The following HHAT variants were observed in gnomAD, a reference collection of about 807,000 sequenced individuals.
HHAT encodes protein-cysteine N-palmitoyltransferase HHAT.
In HHAT, 47 loss-of-function variants were observed where a neutral mutation model predicts 70.8. The observed-to-expected ratio is 0.66, with a 90% CI of 0.53 to 0.85. The LOEUF (loss-of-function observed/expected upper bound fraction) is 0.85. HHAT is among the 40% of genes least tolerant of loss of function. The probability of loss-of-function intolerance (pLI) is 0.00; values close to 1 mark genes in which losing one functional copy is unlikely to be tolerated. For missense variants in HHAT, 609 were observed against 604.8 expected (o/e 1.01, Z -0.07); for synonymous variants, 228 against 247.6 (o/e 0.92, Z 0.74).
intron 3 of HHAT, among the ~76,000 whole-genome samples, chr1:210,370,347 G>A (rs2089453458): frequency 6.6e-6 from 1 of 151,006 alleles, no homozygotes; most frequent in African/African-American, 2.4e-5. Flanking sequence ...GCTAATTTTT[G>A]TATTTTTAGT....
intron 3 of HHAT, among the ~76,000 whole-genome samples, chr1:210,382,824 GT>G (rs1327255473): frequency 6.6e-6 from 1 of 152,160 alleles, no homozygotes; most frequent in Non-Finnish European, 1.5e-5. Flanking sequence ...AAATAGTGTT[GT>G]GGGGCAAAGG....
intron 9 of HHAT, among the ~76,000 whole-genome samples, chr1:210,565,761 C>G (rs1654578273): frequency 6.6e-6 from 1 of 152,132 alleles, no homozygotes; most frequent in Admixed American, 6.5e-5. Context: ...AGAGGAGAGT[C>G]AGGACCAAGC....
intron 2 of HHAT, among the ~76,000 whole-genome samples, chr1:210,353,712 C>T (rs1360963633): frequency 6.6e-6 from 1 of 151,808 alleles, no homozygotes; most frequent in East Asian, 1.9e-4. Context: ...TTCCACTTCT[C>T]CCTCCCTTCT....
chr1:210,511,291 C>A (rs1208092426), intron 8 of HHAT, among the ~76,000 whole-genome samples: 1 of 152,048 alleles, frequency 6.6e-6, no homozygotes, highest in African/African-American at 2.4e-5. Flanking sequence ...TATCTCGAAT[C>A]CCGTTTTTCC....
At chr1:210,544,899 C>T (rs190439700) in intron 9 of HHAT, among the ~76,000 whole-genome samples, 1 of 152,116 alleles carries the variant, frequency 6.6e-6, no homozygotes, top group African/African-American at 2.4e-5. Flanking sequence ...TTCGTCCTCA[C>T]CCCTAAATTC....
intron 10 of HHAT, among the ~76,000 whole-genome samples, chr1:210,616,024 G>A (rs1667651609): frequency 6.6e-6 from 1 of 152,178 alleles, no homozygotes; most frequent in Non-Finnish European, 1.5e-5. Flanking sequence ...GCTGTAGACT[G>A]GAGCTGTTCC....
chr1:210,469,242 C>T (rs2094158842), intron 8 of HHAT, among the ~76,000 whole-genome samples: 1 of 152,094 alleles, frequency 6.6e-6, no homozygotes, highest in African/African-American at 2.4e-5. Flanking sequence ...TGGGCTGGAC[C>T]TTCAGAGGAG....
At chr1:210,565,649 T>C (rs1654548809) in intron 9 of HHAT, among the ~76,000 whole-genome samples, 1 of 152,136 alleles carries the variant, frequency 6.6e-6, no homozygotes, top group Non-Finnish European at 1.5e-5. Flanking sequence ...GCTGAGAATC[T>C]GTAGCAGGCA....
intron 8 of HHAT, among the ~76,000 whole-genome samples, chr1:210,476,044 T>C (rs1277614123): frequency 2.0e-5 from 3 of 152,226 alleles, no homozygotes; most frequent in African/African-American, 7.2e-5. Flanking sequence ...GAACCATAAG[T>C]GTGTTTGCTC....
intron 6 of HHAT, among the ~76,000 whole-genome samples, chr1:210,410,219 A>AT (rs938524276): frequency 3.3e-5 from 5 of 150,184 alleles, no homozygotes; most frequent in East Asian, 2.0e-4. Flanking sequence ...CGCCCAGCTA[A>AT]TTTTTTTGTA....
chr1:210,356,589 C>T (rs1374854030), intron 2 of HHAT, among the ~76,000 whole-genome samples: 1 of 152,196 alleles, frequency 6.6e-6, no homozygotes, highest in African/African-American at 2.4e-5. Context: ...AACACATTCA[C>T]CTTCTACCTT....
intron 8 of HHAT, among the ~76,000 whole-genome samples, chr1:210,485,144 AAGAG>A (rs2094455321): frequency 6.6e-6 from 1 of 152,290 alleles, no homozygotes; most frequent in African/African-American, 2.4e-5. Flanking sequence ...TGAATGAGGA[AAGAG>A]AAAGAACAGA....
intron 7 of HHAT, among the ~76,000 whole-genome samples, chr1:210,427,392 G>A (rs2093097200): frequency 6.6e-6 from 1 of 152,044 alleles, no homozygotes; most frequent in Admixed American, 6.6e-5. Context: ...TACTTTTGAT[G>A]TTAGGTTATT....
intron 10 of HHAT, among the ~76,000 whole-genome samples, chr1:210,599,211 T>A (rs1663689128): frequency 6.6e-6 from 1 of 152,196 alleles, no homozygotes; most frequent in South Asian, 2.1e-4. Context: ...TATTTAATTT[T>A]AACTAATTTA....
intron 9 of HHAT, among the ~76,000 whole-genome samples, chr1:210,531,827 CT>C (rs1425589939): frequency 6.6e-6 from 1 of 152,184 alleles, no homozygotes; most frequent in African/African-American, 2.4e-5. Context: ...AACAGTGTTT[CT>C]TTTCCTGTCA....
intron 7 of HHAT, among the ~76,000 whole-genome samples, chr1:210,448,227 G>A (rs1306788625): frequency 2.0e-5 from 3 of 151,984 alleles, no homozygotes; most frequent in Admixed American, 6.6e-5. Context: ...GACTGCAGGC[G>A]CCTGCCACCA....
intron 9 of HHAT, among the ~76,000 whole-genome samples, chr1:210,527,163 A>G (rs1292666029): frequency 6.6e-6 from 1 of 152,104 alleles, no homozygotes. Flanking sequence ...ACCTTCCAAG[A>G]ATGAAGAGGC....
At chr1:210,394,229 CTTTT>C (rs59554789) in intron 4 of HHAT, among the ~76,000 whole-genome samples, 89 of 116,018 alleles carry the variant, frequency 7.7e-4, no homozygotes, top group Admixed American at 1.1e-3. Flanking sequence ...CATGATCTAT[CTTTT>C]TTTTTTTTTT....
At chr1:210,664,994 G>A (rs537607200) in intron 11 of HHAT, among the ~76,000 whole-genome samples, 2 of 151,816 alleles carry the variant, frequency 1.3e-5, no homozygotes, top group South Asian at 2.1e-4. Context: ...TCCTGGAGTC[G>A]CCTCTTTCCC....
Sources: allele counts gnomAD v4.1 joint callset (sites outside exome capture counted in the v4.1 genomes callset), GRCh38; gene constraint gnomAD v4.1.1; transcripts MANE v1.5; gene names NCBI Gene and HGNC (gene_info 2026-07-23, HGNC 2026-07-21).